OSBP2: variants seen among roughly 807,000 people sequenced by gnomAD.
The protein encoded by OSBP2 is oxysterol-binding protein 2.
A neutral mutation model predicts 96.0 loss-of-function variants in OSBP2; 66 were observed. The ratio of observed to expected loss-of-function variants is 0.69; its 90% CI spans 0.56 to 0.84. The LOEUF is 0.84. Ranked by LOEUF, OSBP2 falls within the 40% of genes least tolerant of loss-of-function variation. The pLI is 0.00. For missense variants in OSBP2, 1,038 were observed against 1,222.7 expected (o/e 0.85, Z 2.25); for synonymous variants, 525 against 520.9 (o/e 1.01, Z -0.11).
chr22:30,907,019 G>C lies in OSBP2; in HGVS notation c.*680G>C, dbSNP rs1230786697. 2 of 152,570 alleles carry C rather than the reference G, an allele frequency of 1.3e-5. No homozygotes were observed. The highest frequency in any genetic ancestry group is 2.9e-5 in the Non-Finnish European group (2 of 68,102). 9.5% of individuals were successfully genotyped at this position (152,570 alleles called of 1,614,324 possible). On this transcript the variant is annotated 3_prime_UTR_variant, in exon 14 of 14. Transcript: ENST00000332585. ...AGAGTTTCTGGAGCTCCCATCCACA[G>C]ATGCAGGAGGGGGTACTGATGGTAA... is the stretch of plus-strand genomic sequence containing the variant.
chr22:30,694,033 T>C (rs1316101890), upstream of OSBP2: 7 of 1,545,182 alleles, frequency 4.5e-6, no homozygotes, highest in Non-Finnish European at 5.2e-6. Flanking sequence ...GGTCACAGCC[T>C]CCTTTGTTAT....
chr22:30,761,753 T>C (rs2090206868), intron 2 of OSBP2, among the ~76,000 whole-genome samples: 1 of 152,196 alleles, frequency 6.6e-6, no homozygotes, highest in South Asian at 2.1e-4. Context: ...TATACATTAA[T>C]GGAACAGAAT....
At chr22:30,791,925 A>G (rs180691019) in intron 2 of OSBP2, among the ~76,000 whole-genome samples, 5 of 152,322 alleles carry the variant, frequency 3.3e-5, no homozygotes, top group South Asian at 2.1e-4. Context: ...GGGTATATAG[A>G]TAAGTATTAC....
chr22:30,783,827 A>T (rs2090552419), intron 2 of OSBP2, among the ~76,000 whole-genome samples: 1 of 152,156 alleles, frequency 6.6e-6, no homozygotes, highest in South Asian at 2.1e-4. Context: ...TGCTCGCAAC[A>T]TTGCCCCTTG....
At chr22:30,845,450 T>C (rs1233763250) in intron 2 of OSBP2, among the ~76,000 whole-genome samples, 1 of 151,404 alleles carries the variant, frequency 6.6e-6, no homozygotes, top group East Asian at 1.9e-4. Flanking sequence ...AATAAATAAA[T>C]AAATTGTTAT....
chr22:30,700,789 A>C (rs1035623870), intron 1 of OSBP2, among the ~76,000 whole-genome samples: 1 of 152,088 alleles, frequency 6.6e-6, no homozygotes, highest in African/African-American at 2.4e-5. Flanking sequence ...GTGAGAACAA[A>C]TTTTGAAAGT....
chr22:30,869,920 G>C (rs893455582), intron 2 of OSBP2, among the ~76,000 whole-genome samples: 1 of 152,182 alleles, frequency 6.6e-6, no homozygotes, highest in African/African-American at 2.4e-5. Flanking sequence ...GGGACAGATT[G>C]GTGTGGCTGG....
intron 2 of OSBP2, among the ~76,000 whole-genome samples, chr22:30,796,902 G>A (rs998684170): frequency 2.0e-5 from 3 of 152,166 alleles, no homozygotes; most frequent in African/African-American, 7.2e-5. Context: ...AAATATATTA[G>A]TGTTGTTGTG....
chr22:30,732,614 A>C (rs565752229), intron 1 of OSBP2, among the ~76,000 whole-genome samples: 2 of 152,338 alleles, frequency 1.3e-5, no homozygotes, highest in Admixed American at 6.5e-5. Context: ...CCTCTAACCC[A>C]GCTGATCCCA....
intron 2 of OSBP2, among the ~76,000 whole-genome samples, chr22:30,821,346 C>T (rs1039344700): frequency 6.6e-6 from 1 of 152,122 alleles, no homozygotes; most frequent in African/African-American, 2.4e-5. Context: ...GTGTAAGAGT[C>T]CACAGGCAAG....
chr22:30,794,197 A>T (rs1295337683), intron 2 of OSBP2, among the ~76,000 whole-genome samples: 1 of 151,814 alleles, frequency 6.6e-6, no homozygotes, highest in African/African-American at 2.4e-5. Flanking sequence ...CCTGGTCTCT[A>T]AAAAAAATGT....
At position 30,697,712 on chromosome 22, in the gene OSBP2, G is replaced by A. The variant is rs140539691; in HGVS notation, c.644+2159G>A. Reference sequence around the variant, plus strand: ...GAGAACAAGTTTCTGGTGTGTGTGCGTGTACAGTCCAGCTCTGCAATTTCC... The same window carrying A: ...GAGAACAAGTTTCTGGTGTGTGTGCATGTACAGTCCAGCTCTGCAATTTCC... On this transcript the variant is annotated intron_variant, in intron 1 of 13. Transcript: ENST00000332585. Among the ~76,000 whole-genome samples the A allele has an allele frequency of 2.1e-3, 317 of 152,294 alleles. 1 individual carries two copies. Among genetic ancestry groups the A allele is most frequent in the African/African-American group, 7.0e-3 (292 of 41,566 alleles).
intron 2 of OSBP2, among the ~76,000 whole-genome samples, chr22:30,805,234 T>C (rs997245699): frequency 3.3e-5 from 5 of 152,240 alleles, no homozygotes; most frequent in African/African-American, 1.2e-4. Flanking sequence ...AAAACGTGCA[T>C]GAAAAATATG....
At chr22:30,743,819 G>T (rs2089969162) in intron 2 of OSBP2, among the ~76,000 whole-genome samples, 1 of 152,180 alleles carries the variant, frequency 6.6e-6, no homozygotes, top group Non-Finnish European at 1.5e-5. Flanking sequence ...TTCTTTTGCA[G>T]TTGGCAGGGT....
chr22:30,724,313 GCTT>G (rs2089605503), intron 1 of OSBP2, among the ~76,000 whole-genome samples: 1 of 152,088 alleles, frequency 6.6e-6, no homozygotes, highest in African/African-American at 2.4e-5. Context: ...CATCTTCCAG[GCTT>G]AATTGATTCT....
chr22:30,820,126 T>C (rs2091130002), intron 2 of OSBP2, among the ~76,000 whole-genome samples: 1 of 152,140 alleles, frequency 6.6e-6, no homozygotes, highest in South Asian at 2.1e-4. Context: ...ACACCCATAA[T>C]CCCAGCATTT....
At chr22:30,841,369 C>T (rs28889946) in intron 2 of OSBP2, among the ~76,000 whole-genome samples, 6 of 152,182 alleles carry the variant, frequency 3.9e-5, no homozygotes, top group Non-Finnish European at 7.3e-5. Context: ...CTTTCTGTCT[C>T]TATAGGTTTG....
intron 3 of OSBP2, among the ~76,000 whole-genome samples, chr22:30,878,927 G>C (rs879653434): frequency 6.6e-6 from 1 of 152,182 alleles, no homozygotes; most frequent in African/African-American, 2.4e-5. Context: ...GGGGAAGTAG[G>C]AGACATTGGG....
At chr22:30,717,391 C>T (rs1396073491) in intron 1 of OSBP2, among the ~76,000 whole-genome samples, 1 of 152,190 alleles carries the variant, frequency 6.6e-6, no homozygotes, top group African/African-American at 2.4e-5. Flanking sequence ...GTCATCTTGG[C>T]ATCCTTGCCA....
Sources: allele counts gnomAD v4.1 joint callset (sites outside exome capture counted in the v4.1 genomes callset), GRCh38; gene constraint gnomAD v4.1.1; transcripts MANE v1.5; gene names NCBI Gene and HGNC (gene_info 2026-07-23, HGNC 2026-07-21).